The following CDYL2 variants were observed in gnomAD, a reference collection of about 807,000 sequenced individuals.
CDYL2 encodes chromodomain Y like 2, also known as chromodomain Y-like protein 2.
A neutral mutation model predicts 49.4 loss-of-function variants in CDYL2; 23 were observed. The observed-to-expected ratio is 0.47, with a 90% CI of 0.34 to 0.66. The LOEUF (loss-of-function observed/expected upper bound fraction) is 0.66. CDYL2 is among the 30% of genes least tolerant of loss of function. The probability of loss-of-function intolerance (pLI) is 0.01; values close to 1 mark genes in which losing one functional copy is unlikely to be tolerated. For synonymous variants in CDYL2, 360 were observed against 268.8 expected, an observed-to-expected ratio of 1.34 and a Z score of -3.32; for missense variants, 678 against 656.4, an observed-to-expected ratio of 1.03 and a Z score of -0.36.
chr16:80,802,929 G>T (rs1907969668), intron 1 of CDYL2, among the ~76,000 whole-genome samples: 1 of 152,200 alleles, frequency 6.6e-6, no homozygotes, highest in Non-Finnish European at 1.5e-5. Context: ...TTATCTCAAT[G>T]GAGCCCCAAA....
In CDYL2 at chr16:80,693,115, G is replaced by C. The variant is rs148605737; in HGVS notation, c.25-7986C>G. Among the ~76,000 whole-genome samples the C allele has an allele frequency of 3.9e-3, 589 of 151,722 alleles. 4 individuals carry two copies. Among genetic ancestry groups the C allele is most frequent in the African/African-American group, 0.014 (572 of 41,248 alleles). ...TAGTGATCGAAGCCAGATCAGTGGGGGCTGGGTGTGGGGGTGGATGGCGGG... is the reference window on the plus strand; with the variant it reads ...TAGTGATCGAAGCCAGATCAGTGGGCGCTGGGTGTGGGGGTGGATGGCGGG... On this transcript the variant is annotated intron_variant, in intron 1 of 6. Transcript: ENST00000570137.
At chr16:80,734,210 T>G (rs1905431931) in intron 1 of CDYL2, among the ~76,000 whole-genome samples, 1 of 152,178 alleles carries the variant, frequency 6.6e-6, no homozygotes, top group African/African-American at 2.4e-5. Flanking sequence ...GAGACTTTAT[T>G]TGGCCAATAT....
intron 1 of CDYL2, among the ~76,000 whole-genome samples, chr16:80,802,456 T>G (rs1344700738): frequency 2.0e-5 from 3 of 152,228 alleles, no homozygotes; most frequent in Non-Finnish European, 2.9e-5. Context: ...AATTTTCAAT[T>G]TCAGAAATTG....
chr16:80,798,567 G>A (rs1345821909), intron 1 of CDYL2, among the ~76,000 whole-genome samples: 1 of 152,050 alleles, frequency 6.6e-6, no homozygotes, highest in East Asian at 1.9e-4. Context: ...TTACTTTATT[G>A]TAAGAATAGA....
At chr16:80,719,448 TTCA>T (rs35006265) in intron 1 of CDYL2, among the ~76,000 whole-genome samples, 58,953 of 151,814 alleles carry the variant, frequency 0.39, 14,304 homozygotes, top group Middle Eastern at 0.59. Context: ...CATCATGATC[TTCA>T]TCATTTTAAT....
chr16:80,721,711 C>T (rs375286392), intron 1 of CDYL2, among the ~76,000 whole-genome samples: 3 of 152,310 alleles, frequency 2.0e-5, no homozygotes, highest in South Asian at 2.1e-4. Flanking sequence ...CTAACAATGG[C>T]CCAGCTAGAC....
chr16:80,723,842 G>A (rs544093089), intron 1 of CDYL2, among the ~76,000 whole-genome samples: 2 of 151,978 alleles, frequency 1.3e-5, no homozygotes, highest in African/African-American at 2.4e-5. Flanking sequence ...AGAAGAAACA[G>A]AGGAGAGTGA....
chr16:80,708,832 T>C lies in CDYL2; in HGVS notation c.25-23703A>G, dbSNP rs145634051. On this transcript the variant is annotated intron_variant, in intron 1 of 6. Coordinates refer to ENST00000570137, the MANE Select transcript of CDYL2 (RefSeq NM_152342.4). ...TGTTCTCAGTTCCAAAGCATCGAGA[T>C]AGAGCAGACAGGAATCTGGTAATGA... 8.4e-3 allele frequency among the ~76,000 whole-genome samples: 1,281 copies of C among 152,250 alleles called. 11 individuals are homozygous for C. Among genetic ancestry groups the C allele is most frequent in the Non-Finnish European group, 0.011 (737 of 68,016 alleles).
intron 1 of CDYL2, among the ~76,000 whole-genome samples, chr16:80,704,079 GTC>G (rs1299503429): frequency 6.6e-6 from 1 of 152,178 alleles, no homozygotes; most frequent in East Asian, 1.9e-4. Flanking sequence ...AGAGCAAAAT[GTC>G]TGTTTGTCCT....
intron 1 of CDYL2, among the ~76,000 whole-genome samples, chr16:80,764,481 A>C (rs1906644646): frequency 6.6e-6 from 1 of 152,150 alleles, no homozygotes; most frequent in African/African-American, 2.4e-5. Context: ...CAGGAAAAAA[A>C]AGTCTTCCAG....
intron 2 of CDYL2, among the ~76,000 whole-genome samples, chr16:80,679,498 C>A (rs1020624364): frequency 1.3e-5 from 2 of 152,164 alleles, no homozygotes; most frequent in African/African-American, 4.8e-5. Flanking sequence ...CCAACCTGGA[C>A]ACTTGTAACC....
In CDYL2 at chr16:80,684,758, G is replaced by A. The variant is rs1445465994; in HGVS notation, c.396C>T (p.Thr132=). The A allele has an allele frequency of 6.2e-7, 1 of 1,614,196 alleles. No homozygotes were observed. Among genetic ancestry groups the A allele is most frequent in the East Asian group, 2.2e-5 (1 of 44,882 alleles). ...GKPSSGGDRA[T]KTVSYRTTPS... is the part of the protein sequence containing the mutation. ...GGGTAGTCCTGTAAGACACCGTCTTGGTGGCCCTGTCACCTCCTGAAGAGG... is the reference window on the plus strand; with the variant it reads ...GGGTAGTCCTGTAAGACACCGTCTTAGTGGCCCTGTCACCTCCTGAAGAGG... Residue 132 remains threonine (T), a synonymous_variant, in exon 2 of 7, where the codon ACC becomes ACT. Transcript: ENST00000570137.
intron 1 of CDYL2, among the ~76,000 whole-genome samples, chr16:80,772,698 A>G (rs1268533491): frequency 3.3e-5 from 5 of 151,786 alleles, no homozygotes; most frequent in Admixed American, 3.3e-4. Flanking sequence ...TGATCCACCC[A>G]CCTCGGCCTC....
At chr16:80,622,513 C>G (rs760742219) in intron 3 of CDYL2, among the ~76,000 whole-genome samples, 18 of 152,132 alleles carry the variant, frequency 1.2e-4, no homozygotes, top group Non-Finnish European at 2.5e-4. Context: ...TTTGTCCACA[C>G]TTGCTCAACT....
intron 2 of CDYL2, among the ~76,000 whole-genome samples, chr16:80,667,451 G>T (rs896148646): frequency 6.6e-6 from 1 of 152,100 alleles, no homozygotes; most frequent in Non-Finnish European, 1.5e-5. Flanking sequence ...CATTTTATCA[G>T]ATTCCACTTA....
intron 1 of CDYL2, among the ~76,000 whole-genome samples, chr16:80,761,692 A>T (rs1489957607): frequency 6.7e-6 from 1 of 149,808 alleles, no homozygotes; most frequent in Admixed American, 6.6e-5. Context: ...CCCTAACTTT[A>T]GAAAACTAAA....
At chr16:80,660,954 G>A (rs1261953888) in intron 2 of CDYL2, among the ~76,000 whole-genome samples, 2 of 152,184 alleles carry the variant, frequency 1.3e-5, no homozygotes, top group East Asian at 3.9e-4. Flanking sequence ...CCCTGAGCTA[G>A]GGGTAAGCTG....
chr16:80,652,298 G>C (rs1271534394), intron 2 of CDYL2, among the ~76,000 whole-genome samples: 1 of 152,198 alleles, frequency 6.6e-6, no homozygotes. Context: ...CTGCTGCAAT[G>C]ATGGGAGTAT....
chr16:80,659,688 A>T (rs567247756), intron 2 of CDYL2, among the ~76,000 whole-genome samples: 26 of 152,168 alleles, frequency 1.7e-4, no homozygotes, highest in African/African-American at 6.3e-4. Context: ...CTGGTTAATC[A>T]GAAAATGGGT....
Sources: gnomAD v4.1 joint callset for allele counts (sites outside exome capture counted in the v4.1 genomes callset) on GRCh38, gnomAD v4.1.1 for gene constraint, MANE v1.5 for transcripts, NCBI Gene and HGNC (gene_info 2026-07-23, HGNC 2026-07-21) for gene names.